TFEB: variants seen among roughly 807,000 people sequenced by gnomAD.
TFEB encodes the protein T-cell transcription factor EB.
A neutral mutation model predicts 48.0 loss-of-function variants in TFEB; 12 were observed. The observed-to-expected ratio is 0.25, with a 90% CI of 0.16 to 0.40. The LOEUF (loss-of-function observed/expected upper bound fraction) is 0.40. Ranked by LOEUF, TFEB falls within the 10% of genes least tolerant of loss-of-function variation. The pLI, the probability that TFEB is intolerant of heterozygous loss-of-function variation, is 1.00. For synonymous variants in TFEB, 244 were observed against 261.4 expected (o/e 0.93, Z 0.64); for missense variants, 509 against 640.3 (o/e 0.79, Z 2.21).
At position 41,684,624 on chromosome 6, in the gene TFEB, C is replaced by T; in HGVS notation, c.1406G>A (p.Ser469Asn). The T allele has an allele frequency of 1.4e-5, 23 of 1,600,764 alleles. No individual in the cohort carries two copies. The highest frequency in any genetic ancestry group is 2.0e-5 in the Non-Finnish European group (23 of 1,173,576). ...SKASSRRSSF[S>N]MEEGDVL ...TCACAGCACATCGCCCTCCTCCATG[C>T]TGAAGCTGCTCCGGCGGCTGCTGGC... Residue 469 changes from serine (S) to asparagine (N), a missense_variant, in exon 9 of 9, where the codon AGC becomes AAC. Physicochemically the swap from Ser to Asn is conservative, Grantham distance 46. This residue lies in a region of TFEB where 168 missense variants were observed against 161.0 expected (regional missense o/e 1.04). Transcript: ENST00000373033.
intron 1 of TFEB, among the ~76,000 whole-genome samples, chr6:41,699,518 C>T (rs571647043): frequency 1.3e-5 from 2 of 152,118 alleles, no homozygotes; most frequent in Admixed American, 6.5e-5. Context: ...TCTCCAAAAG[C>T]CTTGGGTCTT....
At position 41,720,968 on chromosome 6, in the gene TFEB, C is replaced by G. The variant is rs1210840961; in HGVS notation, c.-23+14382G>C. On this transcript the variant is annotated intron_variant, in intron 1 of 8. Transcript: ENST00000373033. This position sits in a 1 kb window ranked among gnomAD's most constrained non-coding sequence, Gnocchi z 4.1. ...GCTCCTGCCAGGCCTGACCCTGCAGCCTTCCACTGACGGCAGCCTCCCACC... is the reference window on the plus strand; with the variant it reads ...GCTCCTGCCAGGCCTGACCCTGCAGGCTTCCACTGACGGCAGCCTCCCACC... 6.6e-6 allele frequency among the ~76,000 whole-genome samples: 1 copy of G among 152,194 alleles called. No homozygotes were observed. The highest frequency in any genetic ancestry group is 1.5e-5 in the Non-Finnish European group (1 of 68,032).
In TFEB at chr6:41,685,836, T is replaced by G. The variant is rs1249169432; in HGVS notation, c.951+254A>C. Reference sequence around the variant, plus strand: ...TTAAGAGCCAGCTCTAGATGTGCCATCAGAGAGCTGGGTGCCAGCAGCGTG... The same window carrying G: ...TTAAGAGCCAGCTCTAGATGTGCCAGCAGAGAGCTGGGTGCCAGCAGCGTG... On this transcript the variant is annotated intron_variant, in intron 8 of 8. Transcript: ENST00000373033. Among the ~76,000 whole-genome samples the G allele has an allele frequency of 3.9e-5, 6 of 152,356 alleles. No individual in the cohort carries two copies. The East Asian group carries it at 1.2e-3, about 29-fold the overall frequency.
At chr6:41,711,596 G>A (rs998366575) in intron 1 of TFEB, among the ~76,000 whole-genome samples, 4 of 152,172 alleles carry the variant, frequency 2.6e-5, no homozygotes, top group South Asian at 2.1e-4. Context: ...TGCTAAGAGC[G>A]CTGAGGTGGT....
intron 4 of TFEB, among the ~76,000 whole-genome samples, chr6:41,689,439 G>A (rs1769178802): frequency 6.6e-6 from 1 of 152,026 alleles, no homozygotes; most frequent in Non-Finnish European, 1.5e-5. Flanking sequence ...GCCTCCCTCT[G>A]CCCCTTCGCC....
chr6:41,735,662 G>T (rs1212904517), upstream of TFEB: 4 of 739,648 alleles, frequency 5.4e-6, no homozygotes, highest in South Asian at 1.2e-4. Flanking sequence ...CCTCCCAGCC[G>T]CTCTGCCTCG....
intron 1 of TFEB, among the ~76,000 whole-genome samples, chr6:41,722,956 A>G (rs910807572): frequency 6.6e-6 from 1 of 152,186 alleles, no homozygotes; most frequent in Non-Finnish European, 1.5e-5. Flanking sequence ...GCAGAGGAGG[A>G]TAACTTGCCA....
chr6:41,700,699 T>G (rs1015989422), intron 1 of TFEB, among the ~76,000 whole-genome samples: 1 of 150,634 alleles, frequency 6.6e-6, no homozygotes, highest in African/African-American at 2.5e-5. Context: ...CAGCAGGAGG[T>G]GGGGAGGAGG....
chr6:41,694,404 C>A (rs1769472510), intron 1 of TFEB, among the ~76,000 whole-genome samples: 1 of 152,070 alleles, frequency 6.6e-6, no homozygotes, highest in African/African-American at 2.4e-5. Flanking sequence ...TAGTGAGGCT[C>A]CCCAACCCCA....
In TFEB at chr6:41,691,014, C is replaced by A; in HGVS notation, c.200G>T (p.Gly67Val). ...VHFQSPPPVP[G>V]EVLKVQSYLE... Reference sequence around the variant, plus strand: ...AACAGGCCCTACCTTCAACACCTCCCCAGGCACAGGTGGTGGCGACTGGAA... The same window carrying A: ...AACAGGCCCTACCTTCAACACCTCCACAGGCACAGGTGGTGGCGACTGGAA... The change falls in exon 2 of 9, where the codon GGG (glycine) becomes GTG (valine). Residue 67 changes from glycine to valine, a missense_variant. Physicochemically the swap from Gly to Val is moderately radical, Grantham distance 109 (BLOSUM62 -3). Around this residue, in one of 4 missense-constraint regions of TFEB, gnomAD observed 251 missense variants for 317.2 expected, o/e 0.79. Coordinates refer to ENST00000373033, the MANE Select transcript of TFEB (RefSeq NM_001271944.2). This position sits in a 1 kb window ranked among gnomAD's most constrained non-coding sequence, Gnocchi z 5.2. The A allele has an allele frequency of 6.3e-7, 1 of 1,576,286 alleles. No individual in the cohort carries two copies. Among genetic ancestry groups the A allele is most frequent in the East Asian group, 2.3e-5 (1 of 43,598 alleles).
chr6:41,736,181 T>G, upstream of TFEB: 1 of 1,612,830 alleles, frequency 6.2e-7, no homozygotes, highest in South Asian at 1.1e-5. Flanking sequence ...TGGACAGAAA[T>G]TGTCTGAGCT....
chr6:41,698,732 G>T (rs187660328), intron 1 of TFEB, among the ~76,000 whole-genome samples: 62 of 152,276 alleles, frequency 4.1e-4, no homozygotes, highest in African/African-American at 1.4e-3. Flanking sequence ...GAACAGGTTC[G>T]AGATTCCTGG....
chr6:41,703,683 A>G (rs993987887), intron 1 of TFEB, among the ~76,000 whole-genome samples: 5 of 152,274 alleles, frequency 3.3e-5, no homozygotes, highest in Non-Finnish European at 7.3e-5. Context: ...GGACGATTGC[A>G]TTGAATTCAC....
In TFEB at chr6:41,691,129, C is replaced by A. The variant is rs1321410510; in HGVS notation, c.85G>T (p.Ala29Ser). The change falls in exon 2 of 9, where the codon GCT (alanine) becomes TCT (serine). Residue 29 changes from alanine to serine, a missense_variant. Physicochemically the swap from Ala to Ser is moderately conservative, Grantham distance 99. Transcript: ENST00000373033. This position sits in a 1 kb window ranked among gnomAD's most constrained non-coding sequence, Gnocchi z 5.2. ...EEQRERMQQQ[A>S]VMHYMQQQQQ... ...TGCTGCTGCATGTAATGCATGACAG[C>A]CTGTTGCTGCATGCGCTCCCGCTGC... The A allele has an allele frequency of 6.3e-7, 1 of 1,587,344 alleles. No homozygotes were observed.
chr6:41,716,210 C>T (rs1770727241), intron 1 of TFEB, among the ~76,000 whole-genome samples: 1 of 152,200 alleles, frequency 6.6e-6, no homozygotes, highest in African/African-American at 2.4e-5. Flanking sequence ...GATGAGTTGC[C>T]CAAGTTTACA....
At chr6:41,688,094 C>A in intron 4 of TFEB, 66 bp from the exon 5 acceptor site, 1 of 1,553,292 alleles carries the variant, frequency 6.4e-7, no homozygotes, top group Non-Finnish European at 8.7e-7. Flanking sequence ...CCCTCTAGGG[C>A]CTATCATCCC....
chr6:41,706,801 C>T (rs554530845), intron 1 of TFEB, among the ~76,000 whole-genome samples: 6 of 151,986 alleles, frequency 3.9e-5, no homozygotes, highest in African/African-American at 1.4e-4. Flanking sequence ...TGAGCTGTCC[C>T]CCAACCTGCC....
intron 1 of TFEB, among the ~76,000 whole-genome samples, chr6:41,721,188 C>T (rs1169781025): frequency 6.6e-6 from 1 of 152,214 alleles, no homozygotes; most frequent in Non-Finnish European, 1.5e-5. Context: ...GGCCCTGATT[C>T]TCCAGTCAGA....
intron 1 of TFEB, among the ~76,000 whole-genome samples, chr6:41,704,948 G>T (rs943370097): frequency 6.6e-6 from 1 of 152,192 alleles, no homozygotes; most frequent in Non-Finnish European, 1.5e-5. Flanking sequence ...AACAATCCAG[G>T]TCTATGGGGA....
Sources: gnomAD v4.1 joint callset for allele counts (sites outside exome capture counted in the v4.1 genomes callset) on GRCh38, gnomAD v4.1.1 for gene constraint, gnomAD v4.1.1 regional missense constraint, Gnocchi (gnomAD v3.1) non-coding constraint, MANE v1.5 for transcripts, NCBI Gene and HGNC (gene_info 2026-07-23, HGNC 2026-07-21) for gene names.